GBP7: variants seen among roughly 807,000 people sequenced by gnomAD.
GBP7 encodes guanylate-binding protein 7.
GBP7 carries 43 observed loss-of-function variants against 61.3 expected under a neutral mutation model. The ratio of observed to expected loss-of-function variants is 0.70; its 90% CI spans 0.55 to 0.91. The LOEUF (loss-of-function observed/expected upper bound fraction) is 0.91. Ranked by LOEUF, GBP7 falls within the 40% of genes least tolerant of loss-of-function variation. The pLI is 0.00. For synonymous variants in GBP7, 267 were observed against 271.0 expected (o/e 0.99, Z 0.14); for missense variants, 717 against 740.5 (o/e 0.97, Z 0.37).
chr1:89,132,856 T>C (rs570938951), intron 10 of GBP7, among the ~76,000 whole-genome samples: 2 of 152,298 alleles, frequency 1.3e-5, no homozygotes, highest in Admixed American at 1.3e-4. Flanking sequence ...ATGGAGCAAT[T>C]TGAGATCATT....
At chr1:89,132,665 G>A (rs1049488381) in intron 10 of GBP7, among the ~76,000 whole-genome samples, 1 of 152,180 alleles carries the variant, frequency 6.6e-6, no homozygotes, top group African/African-American at 2.4e-5. Context: ...CCCTTTGAGA[G>A]GGAATGCAGA....
rs903222400 is a variant in GBP7, at chr1:89,133,523, G to A, written c.1469-72C>T. ...GGAGAAGAACCATCATGGCTAAGTA[G>A]ATGGAGTCAGGAAGAGCTTCTCCCA... On this transcript the variant is annotated intron_variant, in intron 9 of 10. Transcript: ENST00000294671. 4 of 1,275,588 alleles carry A rather than the reference G, an allele frequency of 3.1e-6. No homozygotes were observed. The African/African-American group carries it at 4.4e-5, about 14-fold the overall frequency. The allele number at this position is 1,275,588 out of a possible 1,614,324, so 79.0% of individuals were successfully genotyped here.
At position 89,133,257 on chromosome 1, in the gene GBP7, C is replaced by T. The variant is rs369864185; in HGVS notation, c.1662+1G>A. ...CACTGCCAAGCTTCATCCAGACTCA[C>T]CTTCATCTTGTGACTCAACATCTTT... On this transcript the variant is annotated splice_donor_variant, in intron 10 of 10. Coordinates refer to ENST00000294671, the MANE Select transcript of GBP7 (RefSeq NM_207398.3). LOFTEE classifies it high-confidence loss of function. The T allele has an allele frequency of 1.2e-6, 2 of 1,612,770 alleles. No individual in the cohort carries two copies. Among genetic ancestry groups the T allele is most frequent in the Non-Finnish European group, 1.7e-6 (2 of 1,178,996 alleles).
At chr1:89,158,054 A>C (rs929580700) in intron 3 of GBP7, among the ~76,000 whole-genome samples, 2 of 152,250 alleles carry the variant, frequency 1.3e-5, no homozygotes, top group Admixed American at 6.5e-5. Context: ...AGGCTGGTTC[A>C]ACACATGCAA....
Position 89,132,272 on chromosome 1 carries a change from A to T in GBP7, c.1794T>A (p.Asp598Glu). 6.2e-7 allele frequency: 1 copy of T among 1,614,090 alleles called. No homozygotes were observed. ...EEPSVFSQILDVAGSIFIAAL... is the reference protein window; with the variant it reads ...EEPSVFSQILEVAGSIFIAAL... ...CTGCAATAAATATACTGCCAGCCACATCAAGAATCTGTGAAAACACTGAGG... is the reference window on the plus strand; with the variant it reads ...CTGCAATAAATATACTGCCAGCCACTTCAAGAATCTGTGAAAACACTGAGG... The change falls in exon 11 of 11, where the codon GAT becomes GAA. Residue 598 changes from aspartate to glutamate, a missense_variant. Asp to Glu is a conservative substitution (Grantham distance 45). Coordinates refer to ENST00000294671, the MANE Select transcript of GBP7 (RefSeq NM_207398.3).
At chr1:89,136,235 G>A (rs763651422) in intron 9 of GBP7, among the ~76,000 whole-genome samples, 1 of 152,128 alleles carries the variant, frequency 6.6e-6, no homozygotes, top group African/African-American at 2.4e-5. Context: ...ACACTCCACT[G>A]ACAATATTAG....
intron 7 of GBP7, 28 bp downstream of exon 7, chr1:89,149,264 C>A: frequency 6.4e-7 from 1 of 1,566,510 alleles, no homozygotes; most frequent in South Asian, 1.2e-5. Context: ...AGGCAGGAAT[C>A]AAGAAAAAAA....
chr1:89,132,540 T>G, intron 10 of GBP7, 137 bp from the exon 11 acceptor site: 1 of 660,054 alleles, frequency 1.5e-6, no homozygotes, highest in Non-Finnish European at 2.6e-6. Context: ...TGGTCTGACA[T>G]TTCCAGATGA....
In GBP7 at chr1:89,168,992, C is replaced by A. The variant is rs867636217; in HGVS notation, c.190+2754G>T. ...CTCAAGTTAAAAAAAAAACAAAAAA[C>A]AAAAAAACTCCTGTGGAAGCTGCAG... On this transcript the variant is annotated intron_variant, in intron 2 of 10. Coordinates refer to ENST00000294671, the MANE Select transcript of GBP7 (RefSeq NM_207398.3). 1.0e-2 allele frequency among the ~76,000 whole-genome samples: 1,452 copies of A among 145,244 alleles called. 23 individuals carry two copies. The highest frequency in any genetic ancestry group is 0.035 in the African/African-American group (1,368 of 38,672).
chr1:89,148,925 T>C (rs907864728), intron 7 of GBP7, among the ~76,000 whole-genome samples: 1 of 152,212 alleles, frequency 6.6e-6, no homozygotes, highest in Admixed American at 6.5e-5. Flanking sequence ...GTTTAACTTG[T>C]ATGGATTATG....
At chr1:89,154,633 G>A (rs149923825) in intron 3 of GBP7, among the ~76,000 whole-genome samples, 17 of 149,160 alleles carry the variant, frequency 1.1e-4, no homozygotes, top group Non-Finnish European at 1.9e-4. Context: ...AGGTGTGAGC[G>A]ACCACACCTG....
At chr1:89,167,543 C>A (rs1394559393) in intron 2 of GBP7, among the ~76,000 whole-genome samples, 1 of 152,116 alleles carries the variant, frequency 6.6e-6, no homozygotes, top group Non-Finnish European at 1.5e-5. Flanking sequence ...TGAACATCTG[C>A]CAAGAGCAAA....
intron 3 of GBP7, among the ~76,000 whole-genome samples, chr1:89,153,292 A>C (rs1682245499): frequency 6.6e-6 from 1 of 152,256 alleles, no homozygotes; most frequent in Admixed American, 6.5e-5. Context: ...GCTGTAGTAT[A>C]TATAGCTGAA....
At chr1:89,172,760 C>CT (rs58362214) in intron 1 of GBP7, among the ~76,000 whole-genome samples, 95,983 of 147,862 alleles carry the variant, frequency 0.65, 31,095 homozygotes, top group East Asian at 0.73. Flanking sequence ...TCTCATCATA[C>CT]TTTTTTTTTT....
chr1:89,147,114 A>C (rs1442051619), intron 8 of GBP7, among the ~76,000 whole-genome samples: 1 of 152,226 alleles, frequency 6.6e-6, no homozygotes, highest in Non-Finnish European at 1.5e-5. Flanking sequence ...GATACACAAA[A>C]TGAATGCTCA....
chr1:89,164,801 A>C lies in GBP7; in HGVS notation c.248T>G (p.Val83Gly). Residue 83 changes from valine to glycine, a missense_variant, in exon 3 of 11, where the codon GTG (valine) becomes GGG (glycine). Coordinates refer to ENST00000294671, the MANE Select transcript of GBP7 (RefSeq NM_207398.3). ...GTGGTTTGGCTTGGAGGGGTGGGGC[A>C]CACACCACATCCAGATGCCTTTGGT... The part of the protein sequence containing the change: ...SETKGIWMWC[V>G]PHPSKPNHTL... 1 of 1,613,686 alleles carries C rather than the reference A, an allele frequency of 6.2e-7. No individual in the cohort carries two copies. The highest frequency in any genetic ancestry group is 8.5e-7 in the Non-Finnish European group (1 of 1,179,650).
chr1:89,148,137 A>G (rs1682110841), intron 7 of GBP7, among the ~76,000 whole-genome samples: 1 of 152,238 alleles, frequency 6.6e-6, no homozygotes, highest in African/African-American at 2.4e-5. Context: ...CATCCCAGTA[A>G]TGACTTGATT....
chr1:89,146,197 A>G (rs114050199), intron 8 of GBP7, among the ~76,000 whole-genome samples: 1,869 of 152,330 alleles, frequency 0.012, 31 homozygotes, highest in African/African-American at 0.043. Context: ...AGAGTACACC[A>G]TGAGAAAAAG....
chr1:89,140,236 A>G (rs1251628696), intron 9 of GBP7, among the ~76,000 whole-genome samples: 1 of 145,816 alleles, frequency 6.9e-6, no homozygotes, highest in Non-Finnish European at 1.5e-5. Context: ...TGGGAATTGA[A>G]CAATAAGAAC....
Sources: gnomAD v4.1 joint callset for allele counts (sites outside exome capture counted in the v4.1 genomes callset) on GRCh38, gnomAD v4.1.1 for gene constraint, MANE v1.5 for transcripts, NCBI Gene and HGNC (gene_info 2026-07-23, HGNC 2026-07-21) for gene names.